The following SLC39A11 variants were observed in gnomAD, a reference collection of about 807,000 sequenced individuals.
SLC39A11 encodes solute carrier family 39 member 11.
A neutral mutation model predicts 36.1 loss-of-function variants in SLC39A11; 33 were observed. The observed-to-expected ratio is 0.91, with a 90% confidence interval of 0.69 to 1.22. The LOEUF is 1.22. Among genes scored for constraint, SLC39A11 ranks in the 50% most tolerant of loss-of-function variants. SLC39A11 has a pLI of 0.00. For missense variants in SLC39A11, 432 were observed against 430.3 expected (o/e 1.00, Z -0.03); for synonymous variants, 166 against 170.3 (o/e 0.97, Z 0.20).
rs535327141 is a variant in SLC39A11 at position 73,000,783 on chromosome 17, T to C, written c.306+30773A>G. Among the ~76,000 whole-genome samples the C allele has an allele frequency of 1.9e-4, 29 of 152,318 alleles. No homozygotes were observed. The South Asian group carries it at 6.0e-3, about 32-fold the overall frequency. On this transcript the variant is annotated intron_variant, in intron 4 of 9. Transcript: ENST00000255559. ...CTCTCAGCCCAAACATACCTTCCTA[T>C]AGCTCCAAGATATTAAGGCTGAGGC... is the stretch of plus-strand genomic sequence containing the variant.
chr17:72,713,886 G>T (rs1001509769), intron 7 of SLC39A11, among the ~76,000 whole-genome samples: 3 of 152,102 alleles, frequency 2.0e-5, no homozygotes, highest in African/African-American at 7.2e-5. Context: ...CCATTCATAG[G>T]CCCATTATAC....
At chr17:72,820,221 T>G (rs1482882498) in intron 6 of SLC39A11, among the ~76,000 whole-genome samples, 1 of 151,258 alleles carries the variant, frequency 6.6e-6, no homozygotes, top group Non-Finnish European at 1.5e-5. Context: ...AGAAACTGCC[T>G]GTGGGAAAAT....
intron 4 of SLC39A11, among the ~76,000 whole-genome samples, chr17:72,952,766 C>A (rs1277506685): frequency 6.6e-6 from 1 of 152,176 alleles, no homozygotes; most frequent in Admixed American, 6.5e-5. Flanking sequence ...AAAGTGCGAG[C>A]GTGATCCTTC....
chr17:73,073,500 T>C (rs1250234792), intron 3 of SLC39A11, among the ~76,000 whole-genome samples: 1 of 152,108 alleles, frequency 6.6e-6, no homozygotes, highest in Non-Finnish European at 1.5e-5. Flanking sequence ...CTTTGTTGAG[T>C]GCCCACCCAG....
chr17:72,678,069 G>A (rs1401603878), intron 7 of SLC39A11, among the ~76,000 whole-genome samples: 1 of 152,086 alleles, frequency 6.6e-6, no homozygotes, highest in East Asian at 1.9e-4. Context: ...GAAGCAGAGG[G>A]TCCATGTTTC....
chr17:72,654,384 C>T (rs181981381), intron 7 of SLC39A11, among the ~76,000 whole-genome samples: 1 of 152,216 alleles, frequency 6.6e-6, no homozygotes, highest in African/African-American at 2.4e-5. Flanking sequence ...TTCTAACCAG[C>T]CCTGGGCAGA....
At chr17:72,871,462 A>G (rs897265666) in intron 5 of SLC39A11, among the ~76,000 whole-genome samples, 5 of 152,148 alleles carry the variant, frequency 3.3e-5, no homozygotes, top group African/African-American at 1.2e-4. Flanking sequence ...GGAAACAATC[A>G]TGAGATTAGA....
At chr17:72,712,308 T>C (rs2073137093) in intron 7 of SLC39A11, among the ~76,000 whole-genome samples, 1 of 152,216 alleles carries the variant, frequency 6.6e-6, no homozygotes, top group Non-Finnish European at 1.5e-5. Context: ...TGAGCTAGCC[T>C]GCCGGGGGAT....
At chr17:72,861,239 A>G (rs540231898) in intron 5 of SLC39A11, among the ~76,000 whole-genome samples, 2 of 152,316 alleles carry the variant, frequency 1.3e-5, no homozygotes, top group South Asian at 4.1e-4. Flanking sequence ...TGGCTATAAT[A>G]GCAACACTTT....
chr17:72,736,654 C>T lies in SLC39A11; in HGVS notation c.667G>A (p.Ala223Thr), dbSNP rs1313404710. ...GGTCCCAGGATGCTGGCTTACCTGG[C>T]ACTCTCAAAGGTAGCAGATGCCGTC... is the stretch of plus-strand genomic sequence containing the variant. ...EKTASATFES[A>T]RNLAIGIGIQ... is the part of the protein sequence containing the mutation. Residue 223 changes from alanine (A) to threonine (T), a missense_variant, in exon 7 of 10, where the codon GCC becomes ACC. By Grantham distance (58) the Ala-to-Thr change is moderately conservative. Coordinates refer to ENST00000255559, the MANE Select transcript of SLC39A11 (RefSeq NM_139177.4). 1.2e-6 allele frequency: 2 copies of T among 1,613,944 alleles called. No individual in the cohort carries two copies. Among genetic ancestry groups the T allele is most frequent in the Middle Eastern group, 1.7e-4 (1 of 6,060 alleles).
chr17:72,770,159 TC>T lies in SLC39A11; in HGVS notation c.602-33441del, dbSNP rs549906326. On this transcript the variant is annotated intron_variant, in intron 6 of 9. Transcript: ENST00000255559. ...CTTTCTAAATTAACTGAGATCTGTC[TC>T]AGATTTTCTGGGTTCACAACCTTGA... Among the ~76,000 whole-genome samples the T allele has an allele frequency of 1.4e-4, 21 of 152,372 alleles. 1 individual carries two copies. In the East Asian group the frequency reaches 3.5e-3, roughly 25 times the overall value.
At chr17:72,824,931 C>T (rs2077949320) in intron 6 of SLC39A11, among the ~76,000 whole-genome samples, 1 of 151,226 alleles carries the variant, frequency 6.6e-6, no homozygotes, top group South Asian at 2.1e-4. Context: ...AAAAGGGAAG[C>T]AGAGCAAAAA....
intron 4 of SLC39A11, among the ~76,000 whole-genome samples, chr17:72,982,917 G>A (rs1386122565): frequency 6.6e-6 from 1 of 152,158 alleles, no homozygotes; most frequent in African/African-American, 2.4e-5. Context: ...ATAATGGGCA[G>A]CAGAAACACA....
intron 7 of SLC39A11, among the ~76,000 whole-genome samples, chr17:72,717,054 A>G (rs908353017): frequency 1.4e-5 from 2 of 148,140 alleles, no homozygotes; most frequent in African/African-American, 4.9e-5. Flanking sequence ...ATATACACAT[A>G]TATACATATA....
At chr17:73,068,401 G>C (rs1328586689) in intron 3 of SLC39A11, 7 of 448,944 alleles carry the variant, frequency 1.6e-5, no homozygotes, top group Non-Finnish European at 2.7e-5. Flanking sequence ...AAGCAGAGAA[G>C]CAGGAAACAT....
At chr17:72,948,541 C>T (rs2085604856) in intron 4 of SLC39A11, among the ~76,000 whole-genome samples, 1 of 152,222 alleles carries the variant, frequency 6.6e-6, no homozygotes, top group Admixed American at 6.5e-5. Context: ...ATCTCCACAT[C>T]TTCACGTGTC....
intron 3 of SLC39A11, among the ~76,000 whole-genome samples, chr17:73,041,911 G>A (rs1299898576): frequency 1.3e-5 from 2 of 152,116 alleles, no homozygotes; most frequent in East Asian, 1.9e-4. Context: ...CTCATAATCC[G>A]ATCTCTTTTC....
chr17:72,901,337 C>T (rs1187179765), intron 5 of SLC39A11, among the ~76,000 whole-genome samples: 1 of 152,302 alleles, frequency 6.6e-6, no homozygotes, highest in South Asian at 2.1e-4. Flanking sequence ...GTGTGTGGCT[C>T]AGTGTTAAAT....
intron 6 of SLC39A11, among the ~76,000 whole-genome samples, chr17:72,802,460 G>A (rs985797787): frequency 9.2e-5 from 14 of 151,578 alleles, no homozygotes; most frequent in African/African-American, 3.2e-4. Context: ...CACGGTGGCG[G>A]GCGCCTGTAA....
Sources: gnomAD v4.1 joint callset for allele counts (sites outside exome capture counted in the v4.1 genomes callset) on GRCh38, gnomAD v4.1.1 for gene constraint, MANE v1.5 for transcripts, NCBI Gene and HGNC (gene_info 2026-07-23, HGNC 2026-07-21) for gene names.